HK1: variants seen among roughly 807,000 people sequenced by gnomAD.
The protein encoded by HK1 is hexokinase-1.
In HK1, 28 loss-of-function variants were observed where a neutral mutation model predicts 91.6. That is an observed-to-expected ratio of 0.31 (90% CI 0.23 to 0.42). HK1 has a LOEUF of 0.42. Among genes scored for constraint, HK1 ranks in the 10% least tolerant of loss-of-function variants. The pLI is 1.00. For synonymous variants in HK1, 430 were observed against 468.1 expected, an observed-to-expected ratio of 0.92 and a Z score of 1.05; for missense variants, 770 against 1,219.8, an observed-to-expected ratio of 0.63 and a Z score of 5.49.
intron 5 of HK1, among the ~76,000 whole-genome samples, chr10:69,305,745 C>T (rs983551314): frequency 5.9e-5 from 9 of 151,294 alleles, no homozygotes; most frequent in Non-Finnish European, 1.2e-4. Flanking sequence ...CCCAGCTACT[C>T]GGGAGGCTGA....
At chr10:69,353,398 G>C (rs886283681) in intron 2 of HK1, among the ~76,000 whole-genome samples, 5 of 152,048 alleles carry the variant, frequency 3.3e-5, no homozygotes, top group Non-Finnish European at 5.9e-5. Flanking sequence ...AGACTAGCTT[G>C]GGCAACATGG....
chr10:69,329,461 A>G (rs1847583731), intron 1 of HK1, among the ~76,000 whole-genome samples: 1 of 152,104 alleles, frequency 6.6e-6, no homozygotes, highest in Admixed American at 6.5e-5. Context: ...GCGCCCGGCC[A>G]GACATGCTTT....
intron 7 of HK1, among the ~76,000 whole-genome samples, chr10:69,374,240 G>A (rs1850169019): frequency 6.6e-6 from 1 of 152,184 alleles, no homozygotes; most frequent in South Asian, 2.1e-4. Context: ...TCTACCTGAA[G>A]CAGACCCAGG....
chr10:69,394,972 A>T lies in HK1; in HGVS notation c.2242A>T (p.Met748Leu). ...KQRYEKMISG[M>L]YLGEIVRNIL... ...CAGGTATGAGAAGATGATCAGTGGT[A>T]TGTACCTGGGTGAAATCGTCCGCAA... The change falls in exon 16 of 18, where the codon ATG becomes TTG. Residue 748 changes from methionine (M) to leucine (L), a missense_variant. By Grantham distance (15) the Met-to-Leu change is conservative. Around this residue, in one of 7 missense-constraint regions of HK1, gnomAD observed 152 missense variants for 211.1 expected, o/e 0.72. Coordinates refer to ENST00000359426, the MANE Select transcript of HK1 (RefSeq NM_000188.3). 1 of 1,614,132 alleles carries T rather than the reference A, an allele frequency of 6.2e-7. No homozygotes were observed. Among genetic ancestry groups the T allele is most frequent in the Non-Finnish European group, 8.5e-7 (1 of 1,180,012 alleles).
At chr10:69,315,809 TG>T (rs1846607762), upstream of HK1, 1 of 776,108 alleles carries the variant, frequency 1.3e-6, no homozygotes, top group Non-Finnish European at 2.3e-6. Context: ...GGGTTGGGGG[TG>T]GGATGGACAG....
intron 14 of HK1, among the ~76,000 whole-genome samples, chr10:69,390,373 ACATTTCATAGC>A (rs991000882): frequency 1.3e-5 from 2 of 152,198 alleles, no homozygotes; most frequent in African/African-American, 4.8e-5. Flanking sequence ...GGCTCCAGCT[ACATTTCATAGC>A]TACTTCATAG....
chr10:69,297,927 C>T lies in HK1; in HGVS notation c.-67+2247C>T, dbSNP rs536103668. ...AAAAAAAGAAAAAAAAGTGCTTGGT[C>T]GGGCCAGGTGCGGTGGCTCACGCCT... On this transcript the variant is annotated intron_variant, in intron 4 of 21. Coordinates refer to the HK1 transcript ENST00000360289. 1.1e-4 allele frequency among the ~76,000 whole-genome samples: 16 copies of T among 142,016 alleles called. 1 individual carries two copies. Among genetic ancestry groups the T allele is most frequent in the African/African-American group, 4.0e-4 (15 of 37,622 alleles). The allele number at this position is 142,016 out of a possible 152,430, so 93.2% of individuals were successfully genotyped here. A position where few individuals can be genotyped will look rare whatever the true frequency, so the allele number is the denominator to read the frequency against.
chr10:69,327,362 A>G (rs1422781459), intron 1 of HK1, among the ~76,000 whole-genome samples: 2 of 152,138 alleles, frequency 1.3e-5, no homozygotes, highest in Admixed American at 1.3e-4. Context: ...TTTTAGCTCA[A>G]CATTGTATTT....
intron 1 of HK1, 108 bp from the exon 2 acceptor site, chr10:69,343,719 G>C (rs1052114539): frequency 1.2e-6 from 1 of 828,218 alleles, no homozygotes; most frequent in South Asian, 1.3e-5. Flanking sequence ...ATGTGCCAGC[G>C]TGCGTGTTCC....
chr10:69,364,390 C>T (rs11599654), intron 3 of HK1, among the ~76,000 whole-genome samples: 15,979 of 151,834 alleles, frequency 0.11, 1,391 homozygotes, highest in African/African-American at 0.23. Flanking sequence ...AGCGTGGCGT[C>T]GGGCGGGGCG....
chr10:69,354,333 A>G (rs1216064173), intron 2 of HK1, among the ~76,000 whole-genome samples: 1 of 152,226 alleles, frequency 6.6e-6, no homozygotes, highest in Non-Finnish European at 1.5e-5. Flanking sequence ...TTTATAAAGG[A>G]AAGAAGTTTA....
chr10:69,375,235 A>G (rs1279123946), intron 7 of HK1, among the ~76,000 whole-genome samples: 1 of 152,220 alleles, frequency 6.6e-6, no homozygotes, highest in Non-Finnish European at 1.5e-5. Flanking sequence ...GGCCACAGGC[A>G]CTCATTGTTA....
intron 1 of HK1, among the ~76,000 whole-genome samples, chr10:69,330,174 C>T (rs1193328557): frequency 6.6e-6 from 1 of 152,142 alleles, no homozygotes; most frequent in East Asian, 1.9e-4. Context: ...TCACCCAGAC[C>T]TCATGTCCCT....
In HK1 at chr10:69,379,905, C is replaced by G. The variant is rs1839300499; in HGVS notation, c.1075C>G (p.Leu359Val). The change falls in exon 9 of 18, where the codon CTG (leucine) becomes GTG (valine). Residue 359 changes from leucine (L) to valine (V), a missense_variant. By Grantham distance (32) the Leu-to-Val change is conservative (BLOSUM62 1). Coordinates refer to ENST00000359426, the MANE Select transcript of HK1 (RefSeq NM_000188.3). ...CAATGCCAAAGAAATCCTGACCCGC[C>G]TGGGAGTGGAGCCGTCCGATGATGA... Reference protein sequence around the residue: ...LHNAKEILTRLGVEPSDDDCV... With the variant: ...LHNAKEILTRVGVEPSDDDCV... The G allele has an allele frequency of 6.2e-7, 1 of 1,614,194 alleles. No homozygotes were observed. Among genetic ancestry groups the G allele is most frequent in the African/African-American group, 1.3e-5 (1 of 75,046 alleles).
intron 5 of HK1, among the ~76,000 whole-genome samples, chr10:69,301,893 C>T (rs561052877): frequency 7.9e-5 from 12 of 151,974 alleles, no homozygotes; most frequent in Non-Finnish European, 1.3e-4. Flanking sequence ...GAAGGGGTGC[C>T]GAATAGCCAA....
chr10:69,380,040 C>G lies in HK1; in HGVS notation c.1210C>G (p.Pro404Ala). The change falls in exon 9 of 18, where the codon CCC (proline) becomes GCC (alanine). Residue 404 changes from proline (P) to alanine (A), a missense_variant. This residue lies in a region of HK1 where 449 missense variants were observed against 665.1 expected (regional missense o/e 0.68). Coordinates refer to ENST00000359426, the MANE Select transcript of HK1 (RefSeq NM_000188.3). This position sits in a 1 kb window ranked among gnomAD's most constrained non-coding sequence, Gnocchi z 4.0. Reference protein sequence around the residue: ...LNRLRDNKGTPRLRTTVGVDG... With the variant: ...LNRLRDNKGTARLRTTVGVDG... ...CCGCCTGCGTGATAACAAGGGCACA[C>G]CCAGGCTGCGGACCACGGTTGGTGT... is the stretch of plus-strand genomic sequence containing the variant. 1 of 1,614,168 alleles carries G rather than the reference C, an allele frequency of 6.2e-7. No homozygotes were observed. The highest frequency in any genetic ancestry group is 1.1e-5 in the South Asian group (1 of 91,088).
intron 7 of HK1, 114 bp from the exon 8 acceptor site, chr10:69,376,820 C>A: frequency 7.5e-7 from 1 of 1,335,938 alleles, no homozygotes; most frequent in Non-Finnish European, 1.1e-6. Context: ...GCCAGCGAGG[C>A]TGGGGGCTGG....
At chr10:69,354,810 G>A (rs1339081986) in intron 2 of HK1, among the ~76,000 whole-genome samples, 1 of 152,184 alleles carries the variant, frequency 6.6e-6, no homozygotes, top group Non-Finnish European at 1.5e-5. Flanking sequence ...GCTCATGCCT[G>A]TAATCCTAGC....
intron 17 of HK1, among the ~76,000 whole-genome samples, chr10:69,400,572 A>G (rs973538976): frequency 6.6e-6 from 1 of 152,106 alleles, no homozygotes; most frequent in African/African-American, 2.4e-5. Context: ...AGCCCCTAAC[A>G]TCCTCCTTGG....
Sources: allele counts gnomAD v4.1 joint callset (sites outside exome capture counted in the v4.1 genomes callset), GRCh38; gene constraint gnomAD v4.1.1; regional missense constraint gnomAD v4.1.1; non-coding constraint Gnocchi (gnomAD v3.1); transcripts MANE v1.5; gene names NCBI Gene and HGNC (gene_info 2026-07-23, HGNC 2026-07-21).